The following SETD6 variants were observed in gnomAD, a reference collection of about 807,000 sequenced individuals.
SETD6 encodes the protein N-lysine methyltransferase SETD6.
SETD6 carries 67 observed loss-of-function variants against 52.7 expected under a neutral mutation model. That is an observed-to-expected ratio of 1.27 (90% CI 1.04 to 1.56). The LOEUF (loss-of-function observed/expected upper bound fraction) is 1.56. Among genes scored for constraint, SETD6 ranks in the 40% most tolerant of loss-of-function variants. The pLI is 0.00. For synonymous variants in SETD6, 307 were observed against 250.2 expected, an observed-to-expected ratio of 1.23 and a Z score of -2.14; for missense variants, 712 against 607.5, an observed-to-expected ratio of 1.17 and a Z score of -1.81.
Position 58,518,167 on chromosome 16 carries a change from T to G in SETD6, c.909T>G (p.Tyr303Ter). 6.2e-7 allele frequency: 1 copy of G among 1,614,214 alleles called. No homozygotes were observed. Among genetic ancestry groups the G allele is most frequent in the African/African-American group, 1.3e-5 (1 of 75,050 alleles). The stretch of plus-strand genomic sequence containing the variant: ...ATATGTACGGTTTTGTTGAACCATA[T>G]CCTGACAACACAGATGACACAGCTG... ...LIHMYGFVEP[Y>*]PDNTDDTADI... The change falls in exon 6 of 8, where the codon TAT (tyrosine) becomes TAG (stop). Residue 303 changes from tyrosine to a stop codon, truncating the protein, a stop_gained. Coordinates refer to ENST00000219315, the MANE Select transcript of SETD6 (RefSeq NM_001160305.4). LOFTEE classifies it high-confidence loss of function.
chr16:58,517,491 C>G (rs989332114), intron 5 of SETD6: 2 of 170,866 alleles, frequency 1.2e-5, no homozygotes, highest in Admixed American at 5.4e-5. Context: ...TTTTCCCCCC[C>G]GAGGCGGAGT....
rs751883411 is a variant in SETD6, at chr16:58,518,045, C to A, written c.793-6C>A. 1.4e-4 allele frequency: 233 copies of A among 1,614,060 alleles called. No individual in the cohort carries two copies. The highest frequency in any genetic ancestry group is 1.9e-4 in the Non-Finnish European group (229 of 1,180,054). On this transcript the variant is annotated splice_region_variant and splice_polypyrimidine_tract_variant and intron_variant, in intron 5 of 7. Coordinates refer to ENST00000219315, the MANE Select transcript of SETD6 (RefSeq NM_001160305.4). ...GCATGGCCCCAGCTTCTCCCTTTCA[C>A]CTCAGAATTGTCTTCGGATGGTAGC...
rs575596768 is a variant in SETD6, at chr16:58,518,149, C to T, written c.891C>T (p.Tyr297=). The T allele has an allele frequency of 7.4e-6, 12 of 1,614,100 alleles. No individual in the cohort carries two copies. Among genetic ancestry groups the T allele is most frequent in the Admixed American group, 1.7e-5 (1 of 60,004 alleles). Residue 297 remains tyrosine, a synonymous_variant, in exon 6 of 8, where the codon TAC becomes TAT. Coordinates refer to ENST00000219315, the MANE Select transcript of SETD6 (RefSeq NM_001160305.4). ...CTAACTGGCAACTGATTCATATGTA[C>T]GGTTTTGTTGAACCATATCCTGACA... ...QMANWQLIHM[Y]GFVEPYPDNT... is the part of the protein sequence containing the mutation.
rs951868247 is a variant in SETD6, at chr16:58,521,582, G to C, written c.*2553G>C. On this transcript the variant is annotated 3_prime_UTR_variant, in exon 8 of 8. Coordinates refer to ENST00000219315, the MANE Select transcript of SETD6 (RefSeq NM_001160305.4). ...ACCTCACAGCTGTTCAGAATAAGGG[G>C]TGATGGGGGAGAGGAAGCCACATAA... Among the ~76,000 whole-genome samples the C allele has an allele frequency of 4.6e-5, 7 of 152,194 alleles. No homozygotes were observed. The highest frequency in any genetic ancestry group is 8.8e-5 in the Non-Finnish European group (6 of 68,036).
rs1355022339 is a variant in SETD6 at position 58,516,605 on chromosome 16, CTCT to C, written c.607_609del (p.Phe203del). ...GCCCTTCATGGAAGCCCACCCCGAT[CTCT>C]TCAGCCTCAGGGTTCGCTCCCTAGA... is the stretch of plus-strand genomic sequence containing the variant. On this transcript the variant is annotated inframe_deletion, in exon 4 of 8. Coordinates refer to ENST00000219315, the MANE Select transcript of SETD6 (RefSeq NM_001160305.4). 1 of 1,614,074 alleles carries C rather than the reference CTCT, an allele frequency of 6.2e-7. No individual in the cohort carries two copies. Among genetic ancestry groups the C allele is most frequent in the African/African-American group, 1.3e-5 (1 of 74,938 alleles).
intron 7 of SETD6, 80 bp from the exon 8 acceptor site, chr16:58,518,644 A>G: frequency 6.3e-7 from 1 of 1,583,470 alleles, no homozygotes; most frequent in Non-Finnish European, 8.5e-7. Context: ...AATAAATGCT[A>G]AGATGAGTTT....
chr16:58,520,629 A>AAGGTACC lies in SETD6; in HGVS notation c.*1603_*1609dup. ...ATGGCATCAGCTGCCTCTTCATTAC[A>AAGGTACC]AGGTACCAGTTTATGTACTTGCCTT... is the stretch of plus-strand genomic sequence containing the variant. On this transcript the variant is annotated 3_prime_UTR_variant, in exon 8 of 8. Transcript: ENST00000219315. 1 of 294,872 alleles carries AAGGTACC rather than the reference A, an allele frequency of 3.4e-6. No individual in the cohort carries two copies. Among genetic ancestry groups the AAGGTACC allele is most frequent in the Non-Finnish European group, 6.5e-6 (1 of 153,972 alleles). The allele number at this position is 294,872 out of a possible 1,614,324, so 18.3% of individuals were successfully genotyped here. A position where few individuals can be genotyped will look rare whatever the true frequency, so the allele number is the denominator to read the frequency against.
rs767086979 is a variant in SETD6 at position 58,519,002 on chromosome 16, A to ACAT, written c.1398_1400dup (p.His466dup). 4.3e-6 allele frequency: 7 copies of ACAT among 1,612,962 alleles called. No homozygotes were observed. The highest frequency in any genetic ancestry group is 1.3e-5 in the African/African-American group (1 of 75,024). On this transcript the variant is annotated inframe_insertion, in exon 8 of 8. Transcript: ENST00000219315. ...TTCGCTATGGTCAGAAGATGATCTTACATCAGTTGTTGGAGCTGACAAGTT... is the reference window on the plus strand; with the variant it reads ...TTCGCTATGGTCAGAAGATGATCTTACATCATCAGTTGTTGGAGCTGACAAGTT...
At position 58,521,385 on chromosome 16, in the gene SETD6, C is replaced by T; in HGVS notation, c.*2356C>T. ...CAAATTCATGATTATTCTTCCATTA[C>T]TTTTTTTCTAACTTCTCCCTGACTA... is the stretch of plus-strand genomic sequence containing the variant. On this transcript the variant is annotated 3_prime_UTR_variant, in exon 8 of 8. Transcript: ENST00000219315. 2.0e-6 allele frequency: 3 copies of T among 1,495,860 alleles called. No homozygotes were observed. Among genetic ancestry groups the T allele is most frequent in the Admixed American group, 2.2e-5 (1 of 45,470 alleles). The allele number at this position is 1,495,860 out of a possible 1,614,324, so 92.7% of individuals were successfully genotyped here.
chr16:58,515,547 C>A lies in SETD6; in HGVS notation c.10C>A (p.Gln4Lys). The A allele has an allele frequency of 6.3e-7, 1 of 1,589,068 alleles. No homozygotes were observed. The highest frequency in any genetic ancestry group is 1.7e-5 in the Admixed American group (1 of 58,200). MAT[Q>K]AKRPRVAGPV... ...AACGCGCTCTTAGACCATGGCGACC[C>A]AGGCGAAGCGTCCACGGGTGAGTGG... Residue 4 changes from glutamine (Q) to lysine (K), a missense_variant, in exon 1 of 8, where the codon CAG becomes AAG. Coordinates refer to ENST00000219315, the MANE Select transcript of SETD6 (RefSeq NM_001160305.4).
intron 4 of SETD6, 55 bp downstream of exon 4, chr16:58,516,727 G>A (rs1330787888): frequency 1.2e-6 from 2 of 1,609,364 alleles, no homozygotes; most frequent in Non-Finnish European, 1.7e-6. Context: ...CTCTATAGAG[G>A]GACAAAAGTG....
Position 58,521,469 on chromosome 16 carries a change from A to G in SETD6, c.*2440A>G. 1.4e-6 allele frequency: 1 copy of G among 722,214 alleles called. No homozygotes were observed. Among genetic ancestry groups the G allele is most frequent in the South Asian group, 1.9e-5 (1 of 52,504 alleles). The allele number at this position is 722,214 out of a possible 1,614,324, so 44.7% of individuals were successfully genotyped here. Reference sequence around the variant, plus strand: ...AAGACAGGTGGATTAATATACTCCAAATAGCACAGGTTGGAATACCTGGGT... The same window carrying G: ...AAGACAGGTGGATTAATATACTCCAGATAGCACAGGTTGGAATACCTGGGT... On this transcript the variant is annotated 3_prime_UTR_variant, in exon 8 of 8. Coordinates refer to ENST00000219315, the MANE Select transcript of SETD6 (RefSeq NM_001160305.4).
chr16:58,517,698 ACTC>A (rs1261282064), intron 5 of SETD6: 6 of 291,092 alleles, frequency 2.1e-5, no homozygotes, highest in African/African-American at 4.5e-5. Context: ...CTGGTCTTGA[ACTC>A]CTGATCTCAG....
rs980366750 is a variant in SETD6, at chr16:58,520,125, C to T, written c.*1096C>T. 12 of 152,174 alleles carry T rather than the reference C, an allele frequency of 7.9e-5. No homozygotes were observed. The highest frequency in any genetic ancestry group is 2.7e-4 in the African/African-American group (11 of 41,424). The allele number at this position is 152,174 out of a possible 1,614,324, so 9.4% of individuals were successfully genotyped here. A position where few individuals can be genotyped will look rare whatever the true frequency, so the allele number is the denominator to read the frequency against. On this transcript the variant is annotated 3_prime_UTR_variant, in exon 8 of 8. Transcript: ENST00000219315. The stretch of plus-strand genomic sequence containing the variant: ...TCCTTTCAACTTTGTCATTATTCAG[C>T]TTAGCCTGTATGGCCATTCATTCAG...
rs755231669 is a variant in SETD6, at chr16:58,516,847, G to C, written c.711G>C (p.Glu237Asp). ...TGGAGGAAGAAGAGGATGAAAAGGA[G>C]CCCAACTCCCCCGTGATGGTGCCTG... ...EPLEEEEDEK[E>D]PNSPVMVPAA... Residue 237 changes from glutamate to aspartate, a missense_variant, in exon 5 of 8, where the codon GAG becomes GAC. Coordinates refer to ENST00000219315, the MANE Select transcript of SETD6 (RefSeq NM_001160305.4). The C allele has an allele frequency of 6.2e-6, 10 of 1,614,076 alleles. No individual in the cohort carries two copies. The African/African-American group carries it at 1.2e-4, about 19-fold the overall frequency.
rs958176465 is a variant in SETD6 at position 58,523,496 on chromosome 16, T to G, written c.*4467T>G. On this transcript the variant is annotated 3_prime_UTR_variant, in exon 8 of 8. Coordinates refer to ENST00000219315, the MANE Select transcript of SETD6 (RefSeq NM_001160305.4). ...ATTTGCAATTGCATTCAAAAAGAGA[T>G]AGCGACCTAGAAATTAAGAAACCTT... 1.2e-6 allele frequency: 2 copies of G among 1,613,828 alleles called. No homozygotes were observed. The highest frequency in any genetic ancestry group is 1.7e-6 in the Non-Finnish European group (2 of 1,179,870).
Position 58,515,894 on chromosome 16 carries a change from C to A in SETD6, c.131C>A (p.Ala44Asp). The A allele has an allele frequency of 6.6e-7, 1 of 1,508,182 alleles. No homozygotes were observed. The highest frequency in any genetic ancestry group is 1.3e-5 in the South Asian group (1 of 79,488). 93.4% of individuals were successfully genotyped at this position (1,508,182 alleles called of 1,614,324 possible). A position where few individuals can be genotyped will look rare whatever the true frequency, so the allele number is the denominator to read the frequency against. Residue 44 changes from alanine (A) to aspartate (D), a missense_variant, in exon 2 of 8, where the codon GCC (alanine) becomes GAC (aspartate). Coordinates refer to ENST00000219315, the MANE Select transcript of SETD6 (RefSeq NM_001160305.4). ...CTGAGTCCCAAGGTGAGCGAGCGAG[C>A]CGGCGGGCGGAGGACCCGCGGCGGG... ...LELSPKVSER[A>D]GGRRTRGGAR...
In SETD6 at chr16:58,523,252, CAAA is replaced by C. The variant is rs903222270; in HGVS notation, c.*4231_*4233del. 3.9e-6 allele frequency: 4 copies of C among 1,028,186 alleles called. No homozygotes were observed. The highest frequency in any genetic ancestry group is 5.3e-6 in the Non-Finnish European group (4 of 761,110). 63.7% of individuals were successfully genotyped at this position (1,028,186 alleles called of 1,614,324 possible). ...AGAGCAACACTCCGTCTCAAAAAAACAAAAAAAAAACCAACCAAACGGATTTTC... is the reference window on the plus strand; with the variant it reads ...AGAGCAACACTCCGTCTCAAAAAAACAAAAAAACCAACCAAACGGATTTTC... On this transcript the variant is annotated 3_prime_UTR_variant, in exon 8 of 8. Transcript: ENST00000219315.
chr16:58,523,251 A>C lies in SETD6; in HGVS notation c.*4222A>C. On this transcript the variant is annotated 3_prime_UTR_variant, in exon 8 of 8. Transcript: ENST00000219315. ...CAGAGCAACACTCCGTCTCAAAAAA[A>C]CAAAAAAAAAACCAACCAAACGGAT... The C allele has an allele frequency of 8.7e-7, 1 of 1,145,842 alleles. No homozygotes were observed. Among genetic ancestry groups the C allele is most frequent in the Non-Finnish European group, 1.2e-6 (1 of 835,138 alleles). 71.0% of individuals were successfully genotyped at this position (1,145,842 alleles called of 1,614,324 possible). A position where few individuals can be genotyped will look rare whatever the true frequency, so the allele number is the denominator to read the frequency against.
Sources: gnomAD v4.1 joint callset for allele counts (sites outside exome capture counted in the v4.1 genomes callset) on GRCh38, gnomAD v4.1.1 for gene constraint, MANE v1.5 for transcripts, NCBI Gene and HGNC (gene_info 2026-07-23, HGNC 2026-07-21) for gene names.